Variants in ARHGAP10 observed in about 807,000 individuals in gnomAD.
The protein encoded by ARHGAP10 is Rho GTPase activating protein 10, also known as rho GTPase-activating protein 10.
Under a neutral mutation model 108.6 loss-of-function variants are expected in ARHGAP10, and 87 were observed. That is an observed-to-expected ratio of 0.80 (90% confidence interval 0.67 to 0.96). The LOEUF is 0.96. Ranked by LOEUF, ARHGAP10 falls within the 40% of genes least tolerant of loss-of-function variation. ARHGAP10 has a pLI of 0.00. For missense variants in ARHGAP10, 939 were observed against 954.5 expected, an observed-to-expected ratio of 0.98 and a Z score of 0.21; for synonymous variants, 347 against 341.1, an observed-to-expected ratio of 1.02 and a Z score of -0.19.
intron 10 of ARHGAP10, among the ~76,000 whole-genome samples, chr4:147,891,502 C>T (rs1735793393): frequency 6.6e-6 from 1 of 151,996 alleles, no homozygotes; most frequent in African/African-American, 2.4e-5. Flanking sequence ...TTTTTACTCC[C>T]TAGGGTGATA....
chr4:147,757,258 C>T (rs1969104), intron 1 of ARHGAP10, among the ~76,000 whole-genome samples: 5,582 of 148,408 alleles, frequency 0.038, 168 homozygotes, highest in Non-Finnish European at 0.059. Context: ...GCAGTGGTGC[C>T]ATCTGGGCTC....
At chr4:148,068,098 G>A (rs1343217307) in intron 22 of ARHGAP10, among the ~76,000 whole-genome samples, 1 of 152,100 alleles carries the variant, frequency 6.6e-6, no homozygotes, top group Non-Finnish European at 1.5e-5. Flanking sequence ...CCTGGAAATA[G>A]GTTTTGCTGG....
chr4:147,914,760 C>T (rs1291076202), intron 13 of ARHGAP10, among the ~76,000 whole-genome samples: 1 of 152,096 alleles, frequency 6.6e-6, no homozygotes, highest in Admixed American at 6.5e-5. Context: ...TTTATCCATT[C>T]ACCTATTGAT....
At chr4:148,017,638 T>C (rs1741393671) in intron 18 of ARHGAP10, among the ~76,000 whole-genome samples, 1 of 131,756 alleles carries the variant, frequency 7.6e-6, no homozygotes, top group Admixed American at 7.7e-5. Context: ...GCTGTGACAG[T>C]TATGAGCCAG....
intron 10 of ARHGAP10, 81 bp downstream of exon 10, chr4:147,882,013 G>A: frequency 1.6e-6 from 2 of 1,243,282 alleles, no homozygotes; most frequent in Non-Finnish European, 1.2e-6. Context: ...AGTTGCAACT[G>A]TGATTTCTGT....
chr4:147,857,709 CTT>C, intron 5 of ARHGAP10, 55 bp downstream of exon 5: 1 of 1,316,760 alleles, frequency 7.6e-7, no homozygotes, highest in Non-Finnish European at 9.9e-7. Flanking sequence ...CAATACATGT[CTT>C]TTAAAAATGT....
intron 13 of ARHGAP10, among the ~76,000 whole-genome samples, chr4:147,929,925 A>G (rs1377556607): frequency 6.6e-6 from 1 of 152,236 alleles, no homozygotes; most frequent in Non-Finnish European, 1.5e-5. Flanking sequence ...ATGCAAACCT[A>G]TATTTGCATT....
intron 3 of ARHGAP10, among the ~76,000 whole-genome samples, chr4:147,838,482 AAC>A (rs796796308): frequency 2.0e-5 from 3 of 149,188 alleles, no homozygotes; most frequent in African/African-American, 7.4e-5. Context: ...TTAAAAAAAA[AAC>A]ACACACACAC....
At chr4:147,893,031 C>G (rs1735846379) in intron 10 of ARHGAP10, among the ~76,000 whole-genome samples, 1 of 152,092 alleles carries the variant, frequency 6.6e-6, no homozygotes, top group Admixed American at 6.5e-5. Context: ...ATAGAGACCC[C>G]TACAAATACT....
chr4:148,013,070 T>TTA (rs976038595), intron 18 of ARHGAP10, among the ~76,000 whole-genome samples: 3 of 152,182 alleles, frequency 2.0e-5, no homozygotes, highest in African/African-American at 7.2e-5. Context: ...AGCAAAGTGT[T>TTA]CCTATAAATT....
chr4:148,010,493 G>T (rs976379691), intron 18 of ARHGAP10, among the ~76,000 whole-genome samples: 10 of 152,038 alleles, frequency 6.6e-5, no homozygotes, highest in African/African-American at 1.9e-4. Context: ...TAGACCCACA[G>T]AAAGGTTGCA....
In ARHGAP10 at chr4:147,881,861, G is replaced by A; in HGVS notation, c.963G>A (p.Leu321=). Reference sequence around the variant, plus strand: ...AGGGGGACGGAGAGGTGTTCTTTTTGAAAGAATGTACCAAGAGGCATACTG... The same window carrying A: ...AGGGGGACGGAGAGGTGTTCTTTTTAAAAGAATGTACCAAGAGGCATACTG... ...GKLGDGEVFF[L]KECTKRHTDS... Residue 321 remains leucine (L), a synonymous_variant, in exon 10 of 23, where the codon TTG becomes TTA. Transcript: ENST00000336498. 6.2e-7 allele frequency: 1 copy of A among 1,613,874 alleles called. No homozygotes were observed. The highest frequency in any genetic ancestry group is 8.5e-7 in the Non-Finnish European group (1 of 1,179,918).
chr4:147,962,862 T>C (rs1433544290), intron 16 of ARHGAP10, among the ~76,000 whole-genome samples: 5 of 152,130 alleles, frequency 3.3e-5, no homozygotes, highest in African/African-American at 1.2e-4. Context: ...GGTCTCACTA[T>C]GTTGGCCATG....
intron 1 of ARHGAP10, among the ~76,000 whole-genome samples, chr4:147,787,728 AC>A (rs934982646): frequency 6.6e-6 from 1 of 152,094 alleles, no homozygotes; most frequent in African/African-American, 2.4e-5. Context: ...TCACCTGGCC[AC>A]CTGGTGCCAT....
chr4:147,765,121 T>C (rs1422377248), intron 1 of ARHGAP10, among the ~76,000 whole-genome samples: 1 of 152,182 alleles, frequency 6.6e-6, no homozygotes, highest in African/African-American at 2.4e-5. Flanking sequence ...ATGGACCATG[T>C]TGGACAGGGA....
chr4:147,922,702 A>AAG (rs1452005985), intron 13 of ARHGAP10, among the ~76,000 whole-genome samples: 39 of 152,070 alleles, frequency 2.6e-4, no homozygotes, highest in African/African-American at 8.7e-4. Context: ...AAAAAAAAAA[A>AAG]AAAAAATTTT....
intron 1 of ARHGAP10, among the ~76,000 whole-genome samples, chr4:147,778,958 A>C (rs1321577355): frequency 6.6e-6 from 1 of 152,154 alleles, no homozygotes; most frequent in Non-Finnish European, 1.5e-5. Flanking sequence ...CCTGTGAACT[A>C]AGGTACTGAA....
At position 147,839,114 on chromosome 4, in the gene ARHGAP10, A is replaced by ATCTG. The variant is rs1461942726; in HGVS notation, c.313-8034_313-8033insGTCT. On this transcript the variant is annotated intron_variant, in intron 3 of 22. Transcript: ENST00000336498. The stretch of plus-strand genomic sequence containing the variant: ...ATCGTATCTATCTATCTATCTATCT[A>ATCTG]TCTATCTATCTATCTATCTATCTAT... 6.9e-3 allele frequency among the ~76,000 whole-genome samples: 1,001 copies of ATCTG among 145,092 alleles called. 7 individuals carry two copies. Among genetic ancestry groups the ATCTG allele is most frequent in the African/African-American group, 0.024 (961 of 39,910 alleles).
chr4:147,911,370 C>A (rs539560868), intron 12 of ARHGAP10, among the ~76,000 whole-genome samples: 2 of 152,002 alleles, frequency 1.3e-5, no homozygotes, highest in Admixed American at 1.3e-4. Context: ...TTGTTGTTGT[C>A]GTTGTTGTTG....
Sources: allele counts gnomAD v4.1 joint callset (sites outside exome capture counted in the v4.1 genomes callset), GRCh38; gene constraint gnomAD v4.1.1; transcripts MANE v1.5; gene names NCBI Gene and HGNC (gene_info 2026-07-23, HGNC 2026-07-21).